The following CSMD3 variants were observed in gnomAD, a reference collection of about 807,000 sequenced individuals.
The protein encoded by CSMD3 is CUB and sushi domain-containing protein 3.
A neutral mutation model predicts 435.2 loss-of-function variants in CSMD3; 177 were observed. The observed-to-expected ratio is 0.41, with a 90% confidence interval of 0.36 to 0.46. The LOEUF is 0.46. Ranked by LOEUF, CSMD3 falls within the 20% of genes least tolerant of loss-of-function variation. The pLI is 0.34. For synonymous variants in CSMD3, 1,656 were observed against 1,520.5 expected (o/e 1.09, Z -2.07); for missense variants, 4,265 against 4,504.6 (o/e 0.95, Z 1.52).
intron 59 of CSMD3, among the ~76,000 whole-genome samples, chr8:112,270,359 T>TGTGTGTGTGTGTGTTAGGGGTGA (rs1817379562): frequency 5.3e-5 from 7 of 130,906 alleles, no homozygotes; most frequent in South Asian, 2.4e-4. Context: ...TGTGTGTGTG[T>TGTGTGTGTGTGTGTTAGGGGTGA]GTGTGTGTGT....
chr8:113,039,092 G>A (rs1587943676), intron 5 of CSMD3, among the ~76,000 whole-genome samples: 3 of 151,796 alleles, frequency 2.0e-5, no homozygotes, highest in Non-Finnish European at 2.9e-5. Flanking sequence ...TGAATTACAC[G>A]TTTACTGAAT....
At chr8:113,331,414 G>T (rs931870965) in intron 1 of CSMD3, among the ~76,000 whole-genome samples, 2 of 151,416 alleles carry the variant, frequency 1.3e-5, no homozygotes, top group South Asian at 2.1e-4. Context: ...AAAAGAGGAA[G>T]AAACATTTCC....
intron 37 of CSMD3, among the ~76,000 whole-genome samples, chr8:112,381,984 A>T (rs1267123463): frequency 6.6e-6 from 1 of 152,116 alleles, no homozygotes; most frequent in Non-Finnish European, 1.5e-5. Flanking sequence ...AGTATTACAG[A>T]TGGGTATGGT....
intron 3 of CSMD3, among the ~76,000 whole-genome samples, chr8:113,235,741 T>C (rs1289590711): frequency 2.0e-5 from 3 of 152,180 alleles, no homozygotes; most frequent in Admixed American, 6.6e-5. Context: ...CACCATCCAA[T>C]TGAGTCAGGA....
At chr8:112,592,084 TG>T (rs1223308376) in intron 22 of CSMD3, among the ~76,000 whole-genome samples, 1 of 152,030 alleles carries the variant, frequency 6.6e-6, no homozygotes, top group Non-Finnish European at 1.5e-5. Context: ...AATTTGTGTG[TG>T]TTTTTTTTAG....
chr8:113,238,178 A>C (rs1286553928), intron 3 of CSMD3, among the ~76,000 whole-genome samples: 3 of 151,930 alleles, frequency 2.0e-5, no homozygotes, highest in Non-Finnish European at 4.4e-5. Context: ...TTAGTTCTGC[A>C]TATTTGGTGG....
intron 12 of CSMD3, among the ~76,000 whole-genome samples, chr8:112,813,253 A>G (rs981903929): frequency 6.6e-6 from 1 of 152,176 alleles, no homozygotes; most frequent in Non-Finnish European, 1.5e-5. Flanking sequence ...AGCCAGAGTT[A>G]GATTATGTGA....
chr8:112,982,496 T>A (rs964112484), intron 6 of CSMD3, among the ~76,000 whole-genome samples: 13 of 151,922 alleles, frequency 8.6e-5, no homozygotes, highest in Non-Finnish European at 2.9e-5. Flanking sequence ...CATTTGTCAT[T>A]CTGGGCTTCC....
intron 11 of CSMD3, among the ~76,000 whole-genome samples, chr8:112,843,214 A>T (rs1192381835): frequency 2.0e-5 from 3 of 151,806 alleles, no homozygotes; most frequent in African/African-American, 7.3e-5. Flanking sequence ...TCAAAAATTC[A>T]GATATTATTA....
At chr8:112,473,743 A>G (rs1269407498) in intron 31 of CSMD3, among the ~76,000 whole-genome samples, 1 of 73,808 alleles carries the variant, frequency 1.4e-5, no homozygotes, top group Non-Finnish European at 2.8e-5. Context: ...TTTTTTTTTT[A>G]ACACCTTGCC....
At chr8:112,665,791 G>A (rs2075507720) in intron 17 of CSMD3, among the ~76,000 whole-genome samples, 1 of 151,842 alleles carries the variant, frequency 6.6e-6, no homozygotes, top group Non-Finnish European at 1.5e-5. Flanking sequence ...ATTTTTCTAG[G>A]GGAAATAAAA....
chr8:113,406,509 C>A (rs1389203198), intron 1 of CSMD3, among the ~76,000 whole-genome samples: 1 of 151,970 alleles, frequency 6.6e-6, no homozygotes, highest in Non-Finnish European at 1.5e-5. Flanking sequence ...TAAATAATGG[C>A]ATAGCAGGAA....
chr8:113,098,743 G>T lies in CSMD3; in HGVS notation c.917+13C>A. The T allele has an allele frequency of 6.5e-7, 1 of 1,538,742 alleles. No individual in the cohort carries two copies. The highest frequency in any genetic ancestry group is 9.0e-7 in the Non-Finnish European group (1 of 1,112,198). ...CAACATCAATGCAAGGTTAATAGAA[G>T]CTATTTACTTACCATATGGTAGGTG... On this transcript the variant is annotated intron_variant, in intron 5 of 70. Coordinates refer to ENST00000297405, the MANE Select transcript of CSMD3 (RefSeq NM_198123.2).
chr8:112,925,816 G>C (rs1235532677), intron 9 of CSMD3, among the ~76,000 whole-genome samples: 1 of 152,226 alleles, frequency 6.6e-6, no homozygotes, highest in African/African-American at 2.4e-5. Context: ...ATGGCCCATG[G>C]ATGTCCTCTG....
At chr8:112,792,646 A>G (rs2078719760) in intron 13 of CSMD3, among the ~76,000 whole-genome samples, 1 of 152,134 alleles carries the variant, frequency 6.6e-6, no homozygotes, top group African/African-American at 2.4e-5. Context: ...CTTTTCTTCT[A>G]TGTTTTATTC....
chr8:113,292,943 C>G (rs2132539559), intron 2 of CSMD3, among the ~76,000 whole-genome samples: 1 of 151,718 alleles, frequency 6.6e-6, no homozygotes, highest in Admixed American at 6.6e-5. Context: ...ATTTTTGTAA[C>G]CTATCAACCA....
chr8:112,827,237 A>G (rs2079725247), intron 12 of CSMD3, among the ~76,000 whole-genome samples: 1 of 133,902 alleles, frequency 7.5e-6, no homozygotes, highest in African/African-American at 2.8e-5. Flanking sequence ...TGTGATACCA[A>G]TTAGCTCAAA....
At chr8:112,686,765 C>G (rs1021978435) in intron 14 of CSMD3, among the ~76,000 whole-genome samples, 1 of 152,014 alleles carries the variant, frequency 6.6e-6, no homozygotes, top group African/African-American at 2.4e-5. Context: ...GGATTACAGG[C>G]GTGAGCTACC....
intron 1 of CSMD3, among the ~76,000 whole-genome samples, chr8:113,350,767 G>T (rs2094184853): frequency 6.6e-6 from 1 of 151,988 alleles, no homozygotes; most frequent in Admixed American, 6.6e-5. Context: ...CATTAGTTAA[G>T]AATTAAGTCC....
Sources: allele counts gnomAD v4.1 joint callset (sites outside exome capture counted in the v4.1 genomes callset), GRCh38; gene constraint gnomAD v4.1.1; transcripts MANE v1.5; gene names NCBI Gene and HGNC (gene_info 2026-07-23, HGNC 2026-07-21).